Variants in CDH23 observed in about 807,000 individuals in gnomAD.
CDH23 encodes cadherin related 23, also known as cadherin-23.
CDH23 carries 189 observed loss-of-function variants against 317.1 expected under a neutral mutation model. The observed-to-expected ratio is 0.60, with a 90% CI of 0.53 to 0.67. The LOEUF (loss-of-function observed/expected upper bound fraction) is 0.67. Among genes scored for constraint, CDH23 ranks in the 30% least tolerant of loss-of-function variants. The pLI, the probability that CDH23 is intolerant of heterozygous loss-of-function variation, is 0.00. For synonymous variants in CDH23, 1,839 were observed against 1,876.8 expected (o/e 0.98, Z 0.52); for missense variants, 4,401 against 4,592.4 (o/e 0.96, Z 1.20).
Position 71,505,578 on chromosome 10 carries a change from C to T in CDH23, c.146-4504C>T, listed in dbSNP as rs531076643. 4.6e-5 allele frequency among the ~76,000 whole-genome samples: 7 copies of T among 152,276 alleles called. No individual in the cohort carries two copies. The East Asian group carries it at 5.8e-4, about 13-fold the overall frequency. On this transcript the variant is annotated intron_variant, in intron 3 of 69. Transcript: ENST00000224721. The stretch of plus-strand genomic sequence containing the variant: ...ATGGCCGGAACCCCTCGGGAGAACA[C>T]TCACAGGCGCTGGCAGTTAGAAGTC...
At chr10:71,662,290 G>T (rs932314543) in intron 14 of CDH23, among the ~76,000 whole-genome samples, 1 of 152,038 alleles carries the variant, frequency 6.6e-6, no homozygotes, top group South Asian at 2.1e-4. Context: ...ATCAGCACCC[G>T]CCAGTGACAG....
intron 30 of CDH23, among the ~76,000 whole-genome samples, chr10:71,726,845 C>A (rs879295185): frequency 6.6e-6 from 1 of 152,226 alleles, no homozygotes; most frequent in Non-Finnish European, 1.5e-5. Context: ...CTCACCCAGG[C>A]GTGGTGGGCT....
chr10:71,414,555 T>C (rs1848460735), intron 1 of CDH23, among the ~76,000 whole-genome samples: 1 of 152,254 alleles, frequency 6.6e-6, no homozygotes, highest in Non-Finnish European at 1.5e-5. Flanking sequence ...TTATCTGTTA[T>C]TGCAATAGCT....
rs370432479 is a variant in CDH23 at position 71,456,783 on chromosome 10, A to G, written c.145+10388A>G. Among the ~76,000 whole-genome samples the G allele has an allele frequency of 2.2e-4, 34 of 152,380 alleles. No individual in the cohort carries two copies. In the East Asian group the frequency reaches 4.6e-3, roughly 21 times the overall value. On this transcript the variant is annotated intron_variant, in intron 3 of 69. Transcript: ENST00000224721. Reference sequence around the variant, plus strand: ...CTTCGTTGAATTCTAACAGCAAAAAAGTGAGTCTTATAACCCTCATTTTGC... The same window carrying G: ...CTTCGTTGAATTCTAACAGCAAAAAGGTGAGTCTTATAACCCTCATTTTGC...
chr10:71,813,024 T>C lies in CDH23; in HGVS notation c.9633+134T>C, dbSNP rs543260819. The C allele has an allele frequency of 4.9e-4, 695 of 1,423,038 alleles. 2 individuals carry two copies. Among genetic ancestry groups the C allele is most frequent in the Middle Eastern group, 7.2e-4 (3 of 4,190 alleles). The allele number at this position is 1,423,038 out of a possible 1,614,324, so 88.2% of individuals were successfully genotyped here. ...ACTGGGGCGAGAACACCAGGGCTGA[T>C]GGGGGGCTACTCCAGCCTGCGGTGG... On this transcript the variant is annotated intron_variant, in intron 68 of 69. Transcript: ENST00000224721.
rs758424434 is a variant in CDH23, at chr10:71,798,453, C to T, written c.6929C>T (p.Thr2310Ile). The T allele has an allele frequency of 6.2e-6, 10 of 1,613,870 alleles. No homozygotes were observed. In the East Asian group the frequency reaches 8.9e-5, roughly 14 times the overall value. The part of the protein sequence containing the change: ...YYMERILEGA[T>I]PGTTLIAVAA... ...ATGGAGCGGATCCTGGAGGGGGCCACCCCTGGGACCACACTCATTGCTGTG... is the reference window on the plus strand; with the variant it reads ...ATGGAGCGGATCCTGGAGGGGGCCATCCCTGGGACCACACTCATTGCTGTG... The change falls in exon 50 of 70, where the codon ACC (threonine) becomes ATC (isoleucine). Residue 2310 changes from threonine to isoleucine, a missense_variant. Thr to Ile is a moderately conservative substitution (Grantham distance 89). Transcript: ENST00000224721.
At chr10:71,566,326 C>T (rs917758406) in intron 6 of CDH23, among the ~76,000 whole-genome samples, 1 of 152,132 alleles carries the variant, frequency 6.6e-6, no homozygotes, top group Non-Finnish European at 1.5e-5. Flanking sequence ...GTAAAGAGCA[C>T]CCCTGTGTTA....
At chr10:71,616,827 T>C (rs1335950692) in intron 10 of CDH23, among the ~76,000 whole-genome samples, 2 of 152,216 alleles carry the variant, frequency 1.3e-5, no homozygotes, top group East Asian at 3.8e-4. Context: ...AGCACAAACA[T>C]TCTTGGCCTC....
chr10:71,742,247 G>A (rs1839757338), intron 38 of CDH23, among the ~76,000 whole-genome samples: 1 of 152,210 alleles, frequency 6.6e-6, no homozygotes, highest in African/African-American at 2.4e-5. Context: ...GGGAGCAAGT[G>A]GGTATGAATC....
At chr10:71,793,776 G>A in intron 48 of CDH23, 136 bp downstream of exon 48, 1 of 682,030 alleles carries the variant, frequency 1.5e-6, no homozygotes, top group South Asian at 2.0e-5. Flanking sequence ...TCCTCTGGAG[G>A]GAAACCAGAA....
At chr10:71,719,952 C>G (rs906625025) in intron 28 of CDH23, 14 of 152,982 alleles carry the variant, frequency 9.2e-5, no homozygotes, top group African/African-American at 2.9e-4. Context: ...CTCTCTCCAG[C>G]CTGTCTCCTT....
intron 9 of CDH23, among the ~76,000 whole-genome samples, chr10:71,600,763 G>A (rs180754257): frequency 0.012 from 1,806 of 152,130 alleles, 30 homozygotes; most frequent in African/African-American, 0.041. Context: ...TGATCCACAC[G>A]CCTCGGCCTC....
chr10:71,792,951 C>CAGAAGATA (rs1841302785), intron 47 of CDH23, among the ~76,000 whole-genome samples: 1 of 143,590 alleles, frequency 7.0e-6, no homozygotes, highest in Non-Finnish European at 1.5e-5. Flanking sequence ...AGACCATTTG[C>CAGAAGATA]AGAAGATACA....
intron 51 of CDH23, 105 bp downstream of exon 51, chr10:71,799,385 G>T: frequency 6.2e-7 from 1 of 1,603,178 alleles, no homozygotes; most frequent in Non-Finnish European, 8.5e-7. Flanking sequence ...CCCTGGGAGT[G>T]CCCAGCCCAC....
chr10:71,705,723 A>G (rs878935203), intron 25 of CDH23, among the ~76,000 whole-genome samples: 1 of 152,142 alleles, frequency 6.6e-6, no homozygotes, highest in Non-Finnish European at 1.5e-5. Flanking sequence ...ATGAGTCTTT[A>G]ATTTTCAGGA....
intron 6 of CDH23, among the ~76,000 whole-genome samples, chr10:71,533,525 C>CCCCACA (rs1249775933): frequency 0.016 from 2,114 of 130,782 alleles, 52 homozygotes; most frequent in African/African-American, 0.06. Flanking sequence ...TGGCTGGACA[C>CCCCACA]CACACACACA....
At chr10:71,712,979 C>A in intron 28 of CDH23, 166 bp downstream of exon 28, 1 of 846,004 alleles carries the variant, frequency 1.2e-6, no homozygotes, top group Non-Finnish European at 2.0e-6. Context: ...CCCAGGCCCT[C>A]TCCCATCCCA....
chr10:71,576,995 T>C (rs1045937978), intron 8 of CDH23, among the ~76,000 whole-genome samples: 2 of 152,174 alleles, frequency 1.3e-5, no homozygotes, highest in African/African-American at 4.8e-5. Context: ...AGCACCTTCC[T>C]CTTCATGTTC....
Position 71,713,257 on chromosome 10 carries a change from C to T in CDH23, c.3369+444C>T, listed in dbSNP as rs781200544. On this transcript the variant is annotated intron_variant, in intron 28 of 69. Transcript: ENST00000224721. ...AAACAGGCACAAGAAGAAAGGGCTC[C>T]TTTGCCCAGGGAGCAGGCGCAACAG... 6 of 779,282 alleles carry T rather than the reference C, an allele frequency of 7.7e-6. No individual in the cohort carries two copies. The East Asian group carries it at 1.5e-4, about 19-fold the overall frequency. 48.3% of individuals were successfully genotyped at this position (779,282 alleles called of 1,614,324 possible).
Sources: allele counts gnomAD v4.1 joint callset (sites outside exome capture counted in the v4.1 genomes callset), GRCh38; gene constraint gnomAD v4.1.1; transcripts MANE v1.5; gene names NCBI Gene and HGNC (gene_info 2026-07-23, HGNC 2026-07-21).